REV1: variants seen among roughly 807,000 people sequenced by gnomAD.
REV1 encodes the protein translesion synthesis protein REV1.
Under a neutral mutation model 137.4 loss-of-function variants are expected in REV1, and 42 were observed. That is an observed-to-expected ratio of 0.31 (90% CI 0.24 to 0.40). The LOEUF (loss-of-function observed/expected upper bound fraction) is 0.40, where lower values mean the gene tolerates loss of function less well. Ranked by LOEUF, REV1 falls within the 10% of genes least tolerant of loss-of-function variation. REV1 has a pLI of 1.00. For missense variants in REV1, 1,282 were observed against 1,490.1 expected, an observed-to-expected ratio of 0.86 and a Z score of 2.30; for synonymous variants, 524 against 519.2, an observed-to-expected ratio of 1.01 and a Z score of -0.12.
chr2:99,437,405 T>C (rs1458553630), intron 6 of REV1, among the ~76,000 whole-genome samples: 2 of 152,146 alleles, frequency 1.3e-5, no homozygotes, highest in African/African-American at 4.8e-5. Context: ...TCCTGCAGCC[T>C]AAGAGTGGCA....
intron 11 of REV1, among the ~76,000 whole-genome samples, chr2:99,419,593 CAG>C (rs1678388518): frequency 1.3e-5 from 2 of 152,070 alleles, no homozygotes; most frequent in Non-Finnish European, 2.9e-5. Context: ...CCACAGGAGA[CAG>C]AGGAGGTAGG....
chr2:99,451,122 C>T (rs1282447811), intron 3 of REV1, among the ~76,000 whole-genome samples: 3 of 152,148 alleles, frequency 2.0e-5, no homozygotes, highest in Non-Finnish European at 4.4e-5. Context: ...TATAGAATAA[C>T]AGTGAGAAGT....
intron 1 of REV1, among the ~76,000 whole-genome samples, chr2:99,485,064 T>TA (rs927368922): frequency 3.9e-5 from 6 of 151,918 alleles, no homozygotes; most frequent in South Asian, 2.1e-4. Context: ...CTTTGACTTT[T>TA]AAAAAAAAAT....
At position 99,407,080 on chromosome 2, in the gene REV1, CTTTTTTTTTT is replaced by C. The variant is rs869170472; in HGVS notation, c.2449-600_2449-591del. ...ACATAAAACTAAACCTACAAAGGTT[CTTTTTTTTTT>C]TTTTTTTTTTTTTTTTTGAGACAGA... is the stretch of plus-strand genomic sequence containing the variant. On this transcript the variant is annotated intron_variant, in intron 15 of 22. Coordinates refer to ENST00000258428, the MANE Select transcript of REV1 (RefSeq NM_016316.4). Among the ~76,000 whole-genome samples, 61 of 60,048 alleles carry C rather than the reference CTTTTTTTTTT, an allele frequency of 1.0e-3. 1 individual carries two copies. The highest frequency in any genetic ancestry group is 2.6e-3 in the African/African-American group (41 of 15,552). The allele number at this position is 60,048 out of a possible 152,430, so 39.4% of individuals were successfully genotyped here. A position where few individuals can be genotyped will look rare whatever the true frequency, so the allele number is the denominator to read the frequency against.
chr2:99,474,719 T>C (rs879412361), intron 1 of REV1, among the ~76,000 whole-genome samples: 3 of 152,050 alleles, frequency 2.0e-5, no homozygotes, highest in Non-Finnish European at 2.9e-5. Context: ...CTGACCAACA[T>C]GGTGAAACCC....
intron 4 of REV1, among the ~76,000 whole-genome samples, chr2:99,446,555 C>CA (rs1682238679): frequency 6.6e-6 from 1 of 152,064 alleles, no homozygotes; most frequent in Non-Finnish European, 1.5e-5. Context: ...AGTGTACTGG[C>CA]GTGATCTCGG....
intron 11 of REV1, among the ~76,000 whole-genome samples, chr2:99,420,933 A>G (rs1678575798): frequency 6.6e-6 from 1 of 152,222 alleles, no homozygotes; most frequent in Non-Finnish European, 1.5e-5. Flanking sequence ...AAGCTTAAGT[A>G]TGAAAGAGTT....
intron 3 of REV1, among the ~76,000 whole-genome samples, chr2:99,459,278 C>T (rs1408927541): frequency 6.6e-6 from 1 of 151,888 alleles, no homozygotes; most frequent in Non-Finnish European, 1.5e-5. Flanking sequence ...TATCAATTTC[C>T]CAGTTGTGAC....
intron 1 of REV1, among the ~76,000 whole-genome samples, chr2:99,466,437 T>G (rs1684805992): frequency 6.6e-6 from 1 of 152,022 alleles, no homozygotes; most frequent in Non-Finnish European, 1.5e-5. Flanking sequence ...AGATGGGGTT[T>G]CACCATGTTG....
chr2:99,402,996 T>C lies in REV1; in HGVS notation c.3277A>G (p.Lys1093Glu). 1.1e-5 allele frequency: 18 copies of C among 1,614,210 alleles called. No individual in the cohort carries two copies. The highest frequency in any genetic ancestry group is 1.5e-5 in the Non-Finnish European group (18 of 1,180,008). The change falls in exon 20 of 23, where the codon AAG becomes GAG. Residue 1093 changes from lysine to glutamate, a missense_variant. This residue lies in a region of REV1 where 170 missense variants were observed against 156.8 expected (regional missense o/e 1.08). Coordinates refer to ENST00000258428, the MANE Select transcript of REV1 (RefSeq NM_016316.4). ...PKRIQSPLNN[K>E]LLNSPAKTLP... is the part of the protein sequence containing the mutation. ...GTTTTTGCAGGACTGTTAAGCAGCT[T>C]GTTATTCAAAGGACTCTGAATCCTT...
chr2:99,424,110 A>G (rs1245407424), intron 10 of REV1, 42 bp downstream of exon 10: 2 of 1,595,056 alleles, frequency 1.3e-6, no homozygotes, highest in Non-Finnish European at 1.7e-6. Context: ...TAGCTAAAAG[A>G]AGGAAAACAC....
At chr2:99,439,996 G>C (rs1243656063) in intron 5 of REV1, among the ~76,000 whole-genome samples, 2 of 152,116 alleles carry the variant, frequency 1.3e-5, no homozygotes, top group Non-Finnish European at 2.9e-5. Flanking sequence ...CAATGTGTGG[G>C]GGTAATTCAG....
chr2:99,479,276 G>A (rs1369660844), intron 1 of REV1, among the ~76,000 whole-genome samples: 2 of 146,042 alleles, frequency 1.4e-5, no homozygotes, highest in African/African-American at 2.6e-5. Flanking sequence ...GCAGTCAGCC[G>A]AGATTAGGCT....
At chr2:99,439,867 A>G (rs1193341617) in intron 5 of REV1, among the ~76,000 whole-genome samples, 1 of 152,220 alleles carries the variant, frequency 6.6e-6, no homozygotes, top group Non-Finnish European at 1.5e-5. Flanking sequence ...GAAAGGTACT[A>G]TTCAACACAT....
chr2:99,455,053 C>T (rs1683389944), intron 3 of REV1, among the ~76,000 whole-genome samples: 1 of 152,162 alleles, frequency 6.6e-6, no homozygotes, highest in Non-Finnish European at 1.5e-5. Flanking sequence ...ATTCTATAAA[C>T]AAAATTTTTA....
chr2:99,425,597 C>T (rs963795399), intron 9 of REV1, among the ~76,000 whole-genome samples: 1 of 152,108 alleles, frequency 6.6e-6, no homozygotes, highest in African/African-American at 2.4e-5. Context: ...TATGTAGAAA[C>T]ATAAAATAGT....
chr2:99,462,043 C>T lies in REV1; in HGVS notation c.181+453G>A, dbSNP rs184682000. On this transcript the variant is annotated intron_variant, in intron 3 of 22. Coordinates refer to ENST00000258428, the MANE Select transcript of REV1 (RefSeq NM_016316.4). ...GTGAGAATTCAGGTCCTTTCCTTCC[C>T]TGCTTGGCGACCCAAATGCTGGCAG... is the stretch of plus-strand genomic sequence containing the variant. Among the ~76,000 whole-genome samples, 485 of 152,254 alleles carry T rather than the reference C, an allele frequency of 3.2e-3. 2 individuals carry two copies. Among genetic ancestry groups the T allele is most frequent in the Admixed American group, 9.4e-3 (144 of 15,290 alleles).
At chr2:99,435,659 G>A in intron 7 of REV1, 175 bp downstream of exon 7, 3 of 476,346 alleles carry the variant, frequency 6.3e-6, no homozygotes, top group Non-Finnish European at 1.1e-5. Flanking sequence ...CCTATAGGGA[G>A]AAAGAAAAAC....
At chr2:99,437,369 G>A (rs186014781) in intron 6 of REV1, among the ~76,000 whole-genome samples, 115 of 152,164 alleles carry the variant, frequency 7.6e-4, no homozygotes, top group Admixed American at 7.1e-3. Context: ...ACTAAGACTC[G>A]GAGAGGTGAA....
Sources: gnomAD v4.1 joint callset for allele counts (sites outside exome capture counted in the v4.1 genomes callset) on GRCh38, gnomAD v4.1.1 for gene constraint, gnomAD v4.1.1 regional missense constraint, MANE v1.5 for transcripts, NCBI Gene and HGNC (gene_info 2026-07-23, HGNC 2026-07-21) for gene names.